The following HDAC4 variants were observed in gnomAD, a reference collection of about 807,000 sequenced individuals.
HDAC4 encodes histone deacetylase A.
In HDAC4, 16 loss-of-function variants were observed where a neutral mutation model predicts 135.1. That is an observed-to-expected ratio of 0.12 (90% confidence interval 0.08 to 0.18). HDAC4 has a LOEUF of 0.18. HDAC4 is among the 10% of genes least tolerant of loss of function. The pLI, the probability that HDAC4 is intolerant of heterozygous loss-of-function variation, is 1.00. For missense variants in HDAC4, 1,143 were observed against 1,511.8 expected (o/e 0.76, Z 4.05); for synonymous variants, 685 against 653.4 (o/e 1.05, Z -0.74).
chr2:239,322,368 T>C (rs75585642), intron 2 of HDAC4, among the ~76,000 whole-genome samples: 1 of 152,384 alleles, frequency 6.6e-6, no homozygotes, highest in East Asian at 1.9e-4. Context: ...GGCCAGTGAC[T>C]TCCTTTCTCA....
rs3791464 is a variant in HDAC4, at chr2:239,132,849, T to A, written c.1294+1396A>T. On this transcript the variant is annotated intron_variant, in intron 11 of 26. Transcript: ENST00000543185. ...CCTGAAGATCAGGCACATTTTACGT[T>A]TTTAAAGACAGGCGAGAAACTCAGG... 1.2e-4 allele frequency among the ~76,000 whole-genome samples: 19 copies of A among 152,256 alleles called. No homozygotes were observed. In the East Asian group the frequency reaches 3.7e-3, roughly 29 times the overall value.
At chr2:239,174,069 A>G (rs1039639241) in intron 5 of HDAC4, among the ~76,000 whole-genome samples, 15 of 152,228 alleles carry the variant, frequency 9.9e-5, no homozygotes, top group African/African-American at 3.4e-4. Context: ...ACTAGTATCA[A>G]TTCCAGGTAC....
chr2:239,261,141 G>A (rs2049337965), intron 2 of HDAC4, among the ~76,000 whole-genome samples: 2 of 152,216 alleles, frequency 1.3e-5, no homozygotes, highest in South Asian at 4.1e-4. Context: ...TCAGCCTCCT[G>A]AGATGGGGTG....
chr2:239,335,209 TA>T (rs1340221266), intron 2 of HDAC4, among the ~76,000 whole-genome samples: 1 of 152,116 alleles, frequency 6.6e-6, no homozygotes, highest in African/African-American at 2.4e-5. Context: ...TGAACTAGAA[TA>T]AAGTGCAAAA....
intron 1 of HDAC4, among the ~76,000 whole-genome samples, chr2:239,369,187 C>T (rs185587109): frequency 3.9e-5 from 6 of 152,274 alleles, no homozygotes; most frequent in South Asian, 2.1e-4. Flanking sequence ...TGCCAACAAG[C>T]GGGAAGGAAG....
chr2:239,157,984 C>T (rs957475399), intron 6 of HDAC4, among the ~76,000 whole-genome samples: 2 of 152,202 alleles, frequency 1.3e-5, no homozygotes, highest in African/African-American at 4.8e-5. Context: ...CTGCTCAGGG[C>T]ACACCTCCAA....
chr2:239,242,477 T>C (rs781584357), intron 2 of HDAC4, among the ~76,000 whole-genome samples: 27 of 152,378 alleles, frequency 1.8e-4, no homozygotes, highest in Non-Finnish European at 3.8e-4. Flanking sequence ...TGCTTGCATA[T>C]GGAAACACAA....
chr2:239,052,878 C>T lies in HDAC4; in HGVS notation c.*219G>A, dbSNP rs140060404. The T allele has an allele frequency of 3.1e-5, 19 of 610,788 alleles. No individual in the cohort carries two copies. The highest frequency in any genetic ancestry group is 1.6e-4 in the Admixed American group (6 of 37,490). 37.8% of individuals were successfully genotyped at this position (610,788 alleles called of 1,614,324 possible). On this transcript the variant is annotated 3_prime_UTR_variant, in exon 27 of 27. Transcript: ENST00000543185. ...GTCTGCGCGTCGCCGGCGTCTGTCC[C>T]GTGTTCCCTGTGAGGCTGCCACGCC...
rs148141931 is a variant in HDAC4 at position 239,386,183 on chromosome 2, G to A, written c.-220+14795C>T. Among the ~76,000 whole-genome samples the A allele has an allele frequency of 6.6e-4, 100 of 152,174 alleles. 2 individuals are homozygous for A. In the East Asian group the frequency reaches 0.015, roughly 23 times the overall value. ...GAAGAGAGGCTGGGGCCTGTGTCTC[G>A]GAGGTTCAGAGCCACTGTCAGGTCC... is the stretch of plus-strand genomic sequence containing the variant. On this transcript the variant is annotated intron_variant, in intron 1 of 26. Transcript: ENST00000543185.
In HDAC4 at chr2:239,245,895, C is replaced by T. The variant is rs1467620521; in HGVS notation, c.23-9231G>A. ...CCCTATGTGTTCAAGCAGACACACA[C>T]GTCTGGTTCACAGCTCAGCGAGCAG... On this transcript the variant is annotated intron_variant, in intron 2 of 26. Transcript: ENST00000543185. The surrounding 1 kb of genome is among the most constrained non-coding windows in gnomAD (Gnocchi z 4.4). Among the ~76,000 whole-genome samples, 2 of 152,178 alleles carry T rather than the reference C, an allele frequency of 1.3e-5. No homozygotes were observed. The highest frequency in any genetic ancestry group is 2.1e-4 in the South Asian group (1 of 4,828).
At chr2:239,367,846 T>C (rs759667179) in intron 1 of HDAC4, among the ~76,000 whole-genome samples, 2 of 151,964 alleles carry the variant, frequency 1.3e-5, no homozygotes, top group African/African-American at 4.8e-5. Flanking sequence ...TAGTGGTGTA[T>C]GTCTGTAATT....
chr2:239,236,785 T>C (rs1367539495), intron 2 of HDAC4, 121 bp from the exon 3 acceptor site: 2 of 749,924 alleles, frequency 2.7e-6, no homozygotes, highest in African/African-American at 1.7e-5. Flanking sequence ...CTTCCTACTT[T>C]TACAGGGGGA....
At chr2:239,084,275 G>T in intron 19 of HDAC4, 33 bp from the exon 20 acceptor site, 1 of 1,518,868 alleles carries the variant, frequency 6.6e-7, no homozygotes, top group Non-Finnish European at 9.1e-7. Context: ...GAGACGAAGC[G>T]CAGGTGGGCG....
At chr2:239,065,291 C>CT (rs1187913436) in intron 24 of HDAC4, among the ~76,000 whole-genome samples, 5 of 152,352 alleles carry the variant, frequency 3.3e-5, no homozygotes, top group Admixed American at 6.5e-5. Flanking sequence ...AACAGAGGGC[C>CT]TGGGACCAGC....
chr2:239,186,358 T>C (rs1276175380), intron 4 of HDAC4: 2 of 152,230 alleles, frequency 1.3e-5, no homozygotes, highest in African/African-American at 4.8e-5. Flanking sequence ...ACAAACACTA[T>C]TGCCAAATGT....
chr2:239,207,563 A>C (rs116881011), intron 3 of HDAC4, among the ~76,000 whole-genome samples: 3,333 of 152,350 alleles, frequency 0.022, 64 homozygotes, highest in Admixed American at 0.063. Flanking sequence ...CAGATATGGC[A>C]GAGATTTAAA....
Position 239,102,882 on chromosome 2 carries a change from G to T in HDAC4, c.2127C>A (p.Arg709=). 1.2e-6 allele frequency: 2 copies of T among 1,613,932 alleles called. No individual in the cohort carries two copies. The highest frequency in any genetic ancestry group is 1.7e-6 in the Non-Finnish European group (2 of 1,180,010). ...LRGKCECIRG[R]KATLEELQTV... is the part of the protein sequence containing the mutation. ...TCTGTAGCTCCTCCAGGGTGGCCTT[G>T]CGTCCGCGGATGCACTGTGGGGACA... The change falls in exon 16 of 27, where the codon CGC becomes CGA. Residue 709 remains arginine (R), a synonymous_variant. Transcript: ENST00000543185.
chr2:239,233,907 T>C (rs926775778), intron 3 of HDAC4, among the ~76,000 whole-genome samples: 3 of 152,206 alleles, frequency 2.0e-5, no homozygotes, highest in Non-Finnish European at 4.4e-5. Flanking sequence ...GTCTAAAGAA[T>C]AGTTAAGATT....
intron 3 of HDAC4, among the ~76,000 whole-genome samples, chr2:239,224,212 C>T (rs539499661): frequency 7.9e-5 from 12 of 152,350 alleles, no homozygotes; most frequent in Admixed American, 6.5e-4. Context: ...GAAATCCCAT[C>T]TACGTCAGAT....
Sources: allele counts gnomAD v4.1 joint callset (sites outside exome capture counted in the v4.1 genomes callset), GRCh38; gene constraint gnomAD v4.1.1; non-coding constraint Gnocchi (gnomAD v3.1); transcripts MANE v1.5; gene names NCBI Gene and HGNC (gene_info 2026-07-23, HGNC 2026-07-21).